Variants in ADGRV1 observed in about 807,000 individuals in gnomAD.
ADGRV1 encodes the protein G-protein coupled receptor 98.
Under a neutral mutation model 596.2 loss-of-function variants are expected in ADGRV1, and 359 were observed. That is an observed-to-expected ratio of 0.60 (90% CI 0.55 to 0.66). The LOEUF (loss-of-function observed/expected upper bound fraction) is 0.66, where lower values mean the gene tolerates loss of function less well. Among genes scored for constraint, ADGRV1 ranks in the 30% least tolerant of loss-of-function variants. The probability of loss-of-function intolerance (pLI) is 0.00; values close to 1 mark genes in which losing one functional copy is unlikely to be tolerated. For synonymous variants in ADGRV1, 2,681 were observed against 2,679.2 expected (o/e 1.00, Z -0.02); for missense variants, 7,274 against 7,575.6 (o/e 0.96, Z 1.48).
chr5:90,759,773 G>A, intron 58 of ADGRV1, 185 bp downstream of exon 58: 1 of 572,574 alleles, frequency 1.7e-6, no homozygotes, highest in East Asian at 3.2e-5. Flanking sequence ...ACACCATCCT[G>A]GCCAATATGG....
At chr5:90,995,944 G>A (rs1781379033) in intron 85 of ADGRV1, among the ~76,000 whole-genome samples, 1 of 152,168 alleles carries the variant, frequency 6.6e-6, no homozygotes, top group African/African-American at 2.4e-5. Flanking sequence ...TTAAGCAGCA[G>A]AATGTTCAAG....
intron 1 of ADGRV1, among the ~76,000 whole-genome samples, chr5:90,579,101 C>T (rs949743904): frequency 1.3e-5 from 2 of 152,064 alleles, no homozygotes; most frequent in African/African-American, 4.8e-5. Context: ...GTGTCTCTGT[C>T]TCCTTCAGTT....
rs1448681722 is a variant in ADGRV1, at chr5:90,693,797, A to G, written c.7134-93A>G. On this transcript the variant is annotated intron_variant, in intron 32 of 89. Transcript: ENST00000405460. The stretch of plus-strand genomic sequence containing the variant: ...GTACTATGACTTTAAACATTTTTTT[A>G]AAAAACTAAAGACCACAGTCAGCAT... 7.4e-6 allele frequency: 7 copies of G among 948,004 alleles called. No homozygotes were observed. In the Admixed American group the frequency reaches 1.9e-4, roughly 25 times the overall value. 58.7% of individuals were successfully genotyped at this position (948,004 alleles called of 1,614,324 possible).
intron 1 of ADGRV1, among the ~76,000 whole-genome samples, chr5:90,597,718 G>A (rs1451995662): frequency 6.6e-6 from 1 of 152,102 alleles, no homozygotes; most frequent in African/African-American, 2.4e-5. Flanking sequence ...GAGCAAAGGA[G>A]AGAGAGAAAG....
chr5:91,142,184 C>T (rs1158216200), intron 87 of ADGRV1, among the ~76,000 whole-genome samples: 1 of 152,188 alleles, frequency 6.6e-6, no homozygotes, highest in Admixed American at 6.5e-5. Flanking sequence ...CCCCTTCCTA[C>T]TCTGTCCCTC....
At chr5:90,752,979 GA>G (rs1755433220) in intron 53 of ADGRV1, among the ~76,000 whole-genome samples, 1 of 151,774 alleles carries the variant, frequency 6.6e-6, no homozygotes, top group Non-Finnish European at 1.5e-5. Context: ...GGGAATCAGT[GA>G]AAAATGGCAT....
intron 85 of ADGRV1, among the ~76,000 whole-genome samples, chr5:91,069,248 A>G (rs1481219251): frequency 6.6e-6 from 1 of 152,186 alleles, no homozygotes; most frequent in Admixed American, 6.5e-5. Flanking sequence ...GTCCATGGAG[A>G]TTTCATAACT....
intron 21 of ADGRV1, among the ~76,000 whole-genome samples, chr5:90,671,958 CT>C (rs970389141): frequency 6.6e-6 from 1 of 152,158 alleles, no homozygotes; most frequent in African/African-American, 2.4e-5. Flanking sequence ...ATAAGATGCC[CT>C]CTTTGATCTG....
At chr5:90,781,063 T>G (rs1758784593) in intron 64 of ADGRV1, 1 of 216,084 alleles carries the variant, frequency 4.6e-6, no homozygotes, top group Admixed American at 5.3e-5. Flanking sequence ...CTTACCTATC[T>G]CTGAGTGCAC....
chr5:91,156,561 ATAAT>A (rs1466785979), intron 89 of ADGRV1, among the ~76,000 whole-genome samples: 1 of 152,232 alleles, frequency 6.6e-6, no homozygotes, highest in Admixed American at 6.5e-5. Flanking sequence ...TTCTTGGAAC[ATAAT>A]TAAATTAGAT....
In ADGRV1 at chr5:90,985,461, A is replaced by C. The variant is rs772859459; in HGVS notation, c.18091A>C (p.Ile6031Leu). Residue 6031 changes from isoleucine to leucine, a missense_variant, in exon 85 of 90, where the codon ATT becomes CTT. Transcript: ENST00000405460. ...PAFVVILLIV[I>L]LKGIYHQSMS... ...TTTTGTGGTGATTCTCCTCATAGTT[A>C]TTTTGAAAGGAATCTATCATCAGAG... 6.2e-7 allele frequency: 1 copy of C among 1,613,778 alleles called. No individual in the cohort carries two copies. The highest frequency in any genetic ancestry group is 8.5e-7 in the Non-Finnish European group (1 of 1,179,772).
chr5:90,591,944 C>T (rs1222994370), intron 1 of ADGRV1, among the ~76,000 whole-genome samples: 1 of 152,172 alleles, frequency 6.6e-6, no homozygotes, highest in Non-Finnish European at 1.5e-5. Flanking sequence ...AGAGACACAA[C>T]TGAGATTTAG....
intron 75 of ADGRV1, among the ~76,000 whole-genome samples, chr5:90,818,010 G>T (rs1581218265): frequency 6.6e-6 from 1 of 152,106 alleles, no homozygotes; most frequent in African/African-American, 2.4e-5. Flanking sequence ...TGGGCACTAT[G>T]GCCATTTTCA....
intron 83 of ADGRV1, among the ~76,000 whole-genome samples, chr5:90,867,922 A>G (rs1768284755): frequency 1.3e-5 from 2 of 152,196 alleles, no homozygotes; most frequent in South Asian, 4.1e-4. Flanking sequence ...GCGTTTAAGT[A>G]CAAGGATCAA....
chr5:91,030,478 G>C lies in ADGRV1; in HGVS notation c.18153-41969G>C, dbSNP rs1005795987. On this transcript the variant is annotated intron_variant, in intron 85 of 89. Coordinates refer to ENST00000405460, the MANE Select transcript of ADGRV1 (RefSeq NM_032119.4). ...TGCTCGTAAAACTTTATTGATTTTA[G>C]AGGTGTAGGGTGAATTTTGACTCTA... is the stretch of plus-strand genomic sequence containing the variant. Among the ~76,000 whole-genome samples, 37 of 152,014 alleles carry C rather than the reference G, an allele frequency of 2.4e-4. 1 individual carries two copies. Among genetic ancestry groups the C allele is most frequent in the African/African-American group, 8.9e-4 (37 of 41,402 alleles).
At chr5:90,654,999 T>C (rs193257689) in intron 20 of ADGRV1, 1 of 152,338 alleles carries the variant, frequency 6.6e-6, no homozygotes, top group Non-Finnish European at 1.5e-5. Flanking sequence ...TACTTTGTAA[T>C]TTGGAAAGAT....
chr5:90,820,463 T>G (rs1045400331), intron 75 of ADGRV1, among the ~76,000 whole-genome samples: 1 of 151,970 alleles, frequency 6.6e-6, no homozygotes, highest in Admixed American at 6.6e-5. Flanking sequence ...GTCATTATGA[T>G]GTTAGGGGTG....
chr5:90,750,421 C>T, intron 52 of ADGRV1, 130 bp from the exon 53 acceptor site: 6 of 615,918 alleles, frequency 9.7e-6, no homozygotes, highest in Non-Finnish European at 1.7e-5. Flanking sequence ...TTTTAATTGT[C>T]GTTTTCACTT....
chr5:90,871,534 A>G (rs1768680174), intron 83 of ADGRV1, among the ~76,000 whole-genome samples: 1 of 152,190 alleles, frequency 6.6e-6, no homozygotes, highest in Admixed American at 6.5e-5. Flanking sequence ...AGAGTGAGTA[A>G]TATTCTGAAT....
Sources: gnomAD v4.1 joint callset for allele counts (sites outside exome capture counted in the v4.1 genomes callset) on GRCh38, gnomAD v4.1.1 for gene constraint, MANE v1.5 for transcripts, NCBI Gene and HGNC (gene_info 2026-07-23, HGNC 2026-07-21) for gene names.